Variants in ADGRL3 observed in about 807,000 individuals in gnomAD.
The protein encoded by ADGRL3 is adhesion G protein-coupled receptor L3.
ADGRL3 carries 62 observed loss-of-function variants against 153.5 expected under a neutral mutation model. The ratio of observed to expected loss-of-function variants is 0.40; its 90% CI spans 0.33 to 0.50. The LOEUF (loss-of-function observed/expected upper bound fraction) is 0.50, where lower values mean the gene tolerates loss of function less well. Ranked by LOEUF, ADGRL3 falls within the 20% of genes least tolerant of loss-of-function variation. The pLI, the probability that ADGRL3 is intolerant of heterozygous loss-of-function variation, is 0.47. For missense variants in ADGRL3, 1,641 were observed against 1,859.4 expected (o/e 0.88, Z 2.16); for synonymous variants, 710 against 672.5 (o/e 1.06, Z -0.86).
chr4:61,578,874 A>C (rs1359106294), intron 4 of ADGRL3, among the ~76,000 whole-genome samples: 1 of 152,054 alleles, frequency 6.6e-6, no homozygotes, highest in African/African-American at 2.4e-5. Context: ...GCATGTATTC[A>C]TTCTTTCTCC....
chr4:61,975,825 T>G (rs1381873168), intron 17 of ADGRL3, among the ~76,000 whole-genome samples: 1 of 152,154 alleles, frequency 6.6e-6, no homozygotes, highest in South Asian at 2.1e-4. Flanking sequence ...CCTGAGTTTT[T>G]GGCCAGAACA....
intron 3 of ADGRL3, among the ~76,000 whole-genome samples, chr4:61,511,649 A>G (rs2098464171): frequency 6.6e-6 from 1 of 152,338 alleles, no homozygotes; most frequent in East Asian, 1.9e-4. Flanking sequence ...CACATCAGGC[A>G]TACCAGTACT....
intron 21 of ADGRL3, among the ~76,000 whole-genome samples, chr4:62,024,253 A>G (rs1560519616): frequency 6.6e-6 from 1 of 152,114 alleles, no homozygotes; most frequent in Non-Finnish European, 1.5e-5. Context: ...CACACAATCT[A>G]TTATTTAAAG....
chr4:61,512,248 T>G (rs2098467288), intron 3 of ADGRL3, among the ~76,000 whole-genome samples: 1 of 152,190 alleles, frequency 6.6e-6, no homozygotes, highest in Non-Finnish European at 1.5e-5. Flanking sequence ...GCTAAAGAGT[T>G]TTGTACATAA....
Position 61,743,400 on chromosome 4 carries a change from G to A in ADGRL3, c.1399+9846G>A, listed in dbSNP as rs186179411. On this transcript the variant is annotated intron_variant, in intron 8 of 26. Coordinates refer to ENST00000683033, the MANE Select transcript of ADGRL3 (RefSeq NM_001387552.1). ...CATACAGGAGTAAGTGAAGAGTTCG[G>A]TATTTGTTGACATTAAGATTTATCT... Among the ~76,000 whole-genome samples, 272 of 151,742 alleles carry A rather than the reference G, an allele frequency of 1.8e-3. 1 individual carries two copies. The highest frequency in any genetic ancestry group is 6.4e-3 in the African/African-American group (266 of 41,388).
chr4:61,963,031 G>A (rs959958822), intron 17 of ADGRL3, among the ~76,000 whole-genome samples: 3 of 152,012 alleles, frequency 2.0e-5, no homozygotes, highest in Non-Finnish European at 4.4e-5. Context: ...ACCTTGAAGA[G>A]TCAGAGAAGA....
At position 61,753,925 on chromosome 4, in the gene ADGRL3, C is replaced by T. The variant is rs560714471; in HGVS notation, c.1399+20371C>T. 1.2e-4 allele frequency among the ~76,000 whole-genome samples: 18 copies of T among 152,272 alleles called. No homozygotes were observed. The South Asian group carries it at 3.5e-3, about 30-fold the overall frequency. ...GCGCCTGGAGGCTAGGATACCAAGC[C>T]AATGGACTTGCCATCAGTCTTTGCC... On this transcript the variant is annotated intron_variant, in intron 8 of 26. Coordinates refer to ENST00000683033, the MANE Select transcript of ADGRL3 (RefSeq NM_001387552.1).
chr4:62,009,225 T>C (rs929543079), intron 21 of ADGRL3, among the ~76,000 whole-genome samples: 2 of 152,162 alleles, frequency 1.3e-5, no homozygotes, highest in African/African-American at 2.4e-5. Flanking sequence ...ACACATTTAG[T>C]AGCTTTGTTG....
Position 61,909,712 on chromosome 4 carries a change from T to G in ADGRL3, c.2040T>G (p.Gly680=), listed in dbSNP as rs1204347988. Residue 680 remains glycine, a synonymous_variant, in exon 12 of 27, where the codon GGT becomes GGG. Coordinates refer to ENST00000683033, the MANE Select transcript of ADGRL3 (RefSeq NM_001387552.1). ...LDVQLRNLTP[G]GKDSAARSLN... Reference sequence around the variant, plus strand: ...TACAGCTTCGGAACTTGACCCCAGGTGGAAAAGATAGTGCTGCCCGGAGTT... The same window carrying G: ...TACAGCTTCGGAACTTGACCCCAGGGGGAAAAGATAGTGCTGCCCGGAGTT... 6.4e-7 allele frequency: 1 copy of G among 1,573,148 alleles called. No individual in the cohort carries two copies.
chr4:61,948,183 C>G lies in ADGRL3; in HGVS notation c.2712C>G (p.Gly904=), dbSNP rs577240092. 4.2e-5 allele frequency: 68 copies of G among 1,613,768 alleles called. No homozygotes were observed. In the South Asian group the frequency reaches 7.1e-4, roughly 17 times the overall value. The change falls in exon 17 of 27, where the codon GGC becomes GGG. Residue 904 remains glycine (G), a synonymous_variant. Coordinates refer to ENST00000683033, the MANE Select transcript of ADGRL3 (RefSeq NM_001387552.1). ...TGACAGGTTATTGGTCAACACAAGG[C>G]TGTCGGCTCCTGACAACAAATAAGA... ...RTMTGYWSTQ[G]CRLLTTNKTH...
intron 11 of ADGRL3, among the ~76,000 whole-genome samples, chr4:61,908,103 A>G (rs1044287445): frequency 6.6e-6 from 1 of 151,882 alleles, no homozygotes; most frequent in Non-Finnish European, 1.5e-5. Flanking sequence ...CAGGAGCCCC[A>G]TCTCTACAAA....
chr4:62,013,511 C>T (rs1483861525), intron 21 of ADGRL3, among the ~76,000 whole-genome samples: 2 of 151,520 alleles, frequency 1.3e-5, no homozygotes, highest in African/African-American at 4.9e-5. Flanking sequence ...TGTTGCACTC[C>T]AGCCCGGGCA....
chr4:61,392,677 T>C (rs2096823761), intron 2 of ADGRL3, among the ~76,000 whole-genome samples: 1 of 6,460 alleles, frequency 1.5e-4, no homozygotes. Context: ...AGAGCGAGAC[T>C]CCATCTCAAA....
intron 21 of ADGRL3, among the ~76,000 whole-genome samples, chr4:62,006,033 T>TATATATA (rs1491468575): frequency 9.1e-5 from 4 of 43,720 alleles, no homozygotes; most frequent in African/African-American, 1.5e-4. Flanking sequence ...TATATATATA[T>TATATATA]TTTTTTTTTT....
intron 4 of ADGRL3, among the ~76,000 whole-genome samples, chr4:61,560,301 G>A (rs2098789419): frequency 1.3e-5 from 2 of 152,204 alleles, no homozygotes; most frequent in East Asian, 3.9e-4. Context: ...TGCATGTTGA[G>A]TATAATGGTT....
intron 1 of ADGRL3, among the ~76,000 whole-genome samples, chr4:61,306,709 G>GT (rs1220130417): frequency 2.0e-5 from 3 of 152,110 alleles, no homozygotes; most frequent in Admixed American, 2.0e-4. Context: ...CACCTCTTAA[G>GT]TGTTCTCTTT....
chr4:61,771,637 C>T (rs1580747469), intron 8 of ADGRL3, among the ~76,000 whole-genome samples: 1 of 151,984 alleles, frequency 6.6e-6, no homozygotes, highest in Non-Finnish European at 1.5e-5. Flanking sequence ...CTAAACTGGT[C>T]TCAAACTCCT....
At chr4:61,826,414 T>G (rs6551657) in intron 9 of ADGRL3, among the ~76,000 whole-genome samples, 16,093 of 152,216 alleles carry the variant, frequency 0.11, 916 homozygotes, top group Middle Eastern at 0.15. Context: ...CTGTCAAGAT[T>G]TCTATTCTCA....
At chr4:61,831,368 G>GCTAAAAAA (rs2097865547) in intron 9 of ADGRL3, among the ~76,000 whole-genome samples, 1 of 101,160 alleles carries the variant, frequency 9.9e-6, no homozygotes, top group Non-Finnish European at 1.9e-5. Flanking sequence ...GTCTTCAACA[G>GCTAAAAAA]CTAAAAAACG....
Sources: gnomAD v4.1 joint callset for allele counts (sites outside exome capture counted in the v4.1 genomes callset) on GRCh38, gnomAD v4.1.1 for gene constraint, MANE v1.5 for transcripts, NCBI Gene and HGNC (gene_info 2026-07-23, HGNC 2026-07-21) for gene names.